The following PPFIBP2 variants were observed in gnomAD, a reference collection of about 807,000 sequenced individuals.
PPFIBP2 encodes liprin-beta-2.
Under a neutral mutation model 118.3 loss-of-function variants are expected in PPFIBP2, and 118 were observed. The observed-to-expected ratio is 1.00, with a 90% CI of 0.86 to 1.16. The LOEUF is 1.16. Ranked by LOEUF, PPFIBP2 falls within the 50% of genes most tolerant of loss-of-function variation. PPFIBP2 has a pLI of 0.00. For missense variants in PPFIBP2, 1,195 were observed against 1,073.1 expected (o/e 1.11, Z -1.59); for synonymous variants, 414 against 397.4 (o/e 1.04, Z -0.50).
downstream of PPFIBP2, among the ~76,000 whole-genome samples, chr11:7,662,099 C>G (rs970012191): frequency 1.3e-5 from 2 of 148,566 alleles, no homozygotes; most frequent in African/African-American, 5.0e-5. Context: ...GACTCTTTAT[C>G]CAGTTTGCCA....
intron 3 of PPFIBP2, among the ~76,000 whole-genome samples, chr11:7,576,008 C>T (rs1180597380): frequency 1.3e-5 from 2 of 152,266 alleles, no homozygotes; most frequent in African/African-American, 2.4e-5. Flanking sequence ...CCTCTGTGAT[C>T]TCTGTGGGCT....
chr11:7,606,298 G>A (rs78064729), intron 5 of PPFIBP2, among the ~76,000 whole-genome samples: 2,374 of 152,316 alleles, frequency 0.016, 64 homozygotes, highest in African/African-American at 0.055. Context: ...GGAAGTAGAA[G>A]GAGCAATTGA....
intron 5 of PPFIBP2, chr11:7,598,250 T>C (rs945393722): frequency 3.6e-5 from 11 of 309,470 alleles, no homozygotes; most frequent in Admixed American, 2.7e-4. Flanking sequence ...ACAAGAGATA[T>C]GCAATTTAGT....
chr11:7,596,916 A>G (rs1860426161), intron 4 of PPFIBP2, among the ~76,000 whole-genome samples: 1 of 152,238 alleles, frequency 6.6e-6, no homozygotes, highest in South Asian at 2.1e-4. Context: ...AGGGATTCTC[A>G]GCGTTCTTCA....
chr11:7,597,923 A>C (rs1860678989), intron 5 of PPFIBP2: 1 of 418,248 alleles, frequency 2.4e-6, no homozygotes, highest in African/African-American at 2.0e-5. Context: ...ACAGATTCCC[A>C]GACAGCACTT....
chr11:7,666,581 T>A, the PPFIBP2 span: 1 of 1,503,798 alleles, frequency 6.6e-7, no homozygotes. Context: ...AAAAAGCCCC[T>A]CCAGGGCCAT....
At chr11:7,662,352 A>C in the PPFIBP2 span, among the ~76,000 whole-genome samples, 1 of 152,154 alleles carries the variant, frequency 6.6e-6, no homozygotes, top group Non-Finnish European at 1.5e-5. Flanking sequence ...AGTGGTGACA[A>C]AATCTCTCAG....
Position 7,544,934 on chromosome 11 carries a change from C to G in PPFIBP2, c.-36-4506C>G, listed in dbSNP as rs139567705. On this transcript the variant is annotated intron_variant, in intron 1 of 23. Transcript: ENST00000299492. ...GCTTGGTGCACTTAAGCCCCATATC[C>G]CTGAGGAGCCCTGGCTCCCTAGGAG... 1.9e-3 allele frequency among the ~76,000 whole-genome samples: 293 copies of G among 152,196 alleles called. 2 individuals are homozygous for G. Among genetic ancestry groups the G allele is most frequent in the African/African-American group, 5.4e-3 (224 of 41,514 alleles).
At chr11:7,641,369 C>T in intron 15 of PPFIBP2, 110 bp from the exon 16 acceptor site, 1 of 1,265,624 alleles carries the variant, frequency 7.9e-7, no homozygotes, top group African/African-American at 1.5e-5. Context: ...GAAGGCAGAA[C>T]TGGGCAGATT....
intron 2 of PPFIBP2, among the ~76,000 whole-genome samples, chr11:7,557,658 T>G (rs779750182): frequency 5.9e-5 from 9 of 152,170 alleles, no homozygotes; most frequent in Non-Finnish European, 2.9e-5. Context: ...CACTGGCACA[T>G]CTGATGAAAT....
At chr11:7,516,243 G>C (rs1849220212) in intron 1 of PPFIBP2, among the ~76,000 whole-genome samples, 1 of 152,216 alleles carries the variant, frequency 6.6e-6, no homozygotes, top group Non-Finnish European at 1.5e-5. Flanking sequence ...GGCGAGGCCG[G>C]ATAGGAAACC....
chr11:7,605,612 C>A (rs896685967), intron 5 of PPFIBP2: 2 of 821,392 alleles, frequency 2.4e-6, no homozygotes, highest in Middle Eastern at 5.1e-4. Flanking sequence ...TGAGGATTTT[C>A]TGCTGTGGTA....
intron 17 of PPFIBP2, among the ~76,000 whole-genome samples, chr11:7,646,533 A>G (rs1205327196): frequency 6.6e-6 from 1 of 152,232 alleles, no homozygotes; most frequent in Non-Finnish European, 1.5e-5. Context: ...ACAAAGAAGC[A>G]GTCAAAGAGT....
chr11:7,581,966 A>G (rs1286935896), intron 3 of PPFIBP2, among the ~76,000 whole-genome samples: 1 of 151,906 alleles, frequency 6.6e-6, no homozygotes, highest in Non-Finnish European at 1.5e-5. Flanking sequence ...CCTCCCGAGT[A>G]GCTGGGATTA....
downstream of PPFIBP2, among the ~76,000 whole-genome samples, chr11:7,661,247 C>G (rs1299093956): frequency 6.9e-6 from 1 of 145,632 alleles, no homozygotes; most frequent in Non-Finnish European, 1.5e-5. Flanking sequence ...GTCAGGGTGT[C>G]AATTTTGGAT....
rs2135909646 is a variant in PPFIBP2 at position 7,642,293 on chromosome 11, T to C, written c.1518-5T>C. 4 of 1,613,946 alleles carry C rather than the reference T, an allele frequency of 2.5e-6. No homozygotes were observed. Among genetic ancestry groups the C allele is most frequent in the African/African-American group, 2.7e-5 (2 of 75,040 alleles). On this transcript the variant is annotated splice_region_variant and splice_polypyrimidine_tract_variant and intron_variant, in intron 16 of 23. Coordinates refer to ENST00000299492, the MANE Select transcript of PPFIBP2 (RefSeq NM_003621.5). ...GACCGTCTCCATGGATTCTTCTCCATGCAGAATCCGAAGAACTCAGTCAGG... is the reference window on the plus strand; with the variant it reads ...GACCGTCTCCATGGATTCTTCTCCACGCAGAATCCGAAGAACTCAGTCAGG...
In PPFIBP2 at chr11:7,653,432, G is replaced by T; in HGVS notation, c.*214G>T. The T allele has an allele frequency of 6.7e-7, 1 of 1,502,222 alleles. No homozygotes were observed. The highest frequency in any genetic ancestry group is 1.3e-5 in the South Asian group (1 of 78,396). The allele number at this position is 1,502,222 out of a possible 1,614,324, so 93.1% of individuals were successfully genotyped here. On this transcript the variant is annotated 3_prime_UTR_variant, in exon 24 of 24. Coordinates refer to ENST00000299492, the MANE Select transcript of PPFIBP2 (RefSeq NM_003621.5). ...CCAGGCTTTGGGGACCATTGCCAAA[G>T]GTGGACTCAGGAGGAAAGACACTTA...
At chr11:7,576,530 T>G (rs1856344622) in intron 3 of PPFIBP2, 1 of 152,444 alleles carries the variant, frequency 6.6e-6, no homozygotes, top group Admixed American at 6.5e-5. Context: ...TCCGCCAGCC[T>G]TTCCAAGGCC....
intron 3 of PPFIBP2, among the ~76,000 whole-genome samples, chr11:7,583,184 T>A (rs763975404): frequency 6.6e-5 from 10 of 152,236 alleles, no homozygotes; most frequent in Non-Finnish European, 1.2e-4. Flanking sequence ...TTTTGCTGCC[T>A]CTAGTTCCCA....
Sources: allele counts gnomAD v4.1 joint callset (sites outside exome capture counted in the v4.1 genomes callset), GRCh38; gene constraint gnomAD v4.1.1; transcripts MANE v1.5; gene names NCBI Gene and HGNC (gene_info 2026-07-23, HGNC 2026-07-21).